C10orf90: variants seen among roughly 807,000 people sequenced by gnomAD.
C10orf90 encodes (E2-independent) E3 ubiquitin-conjugating enzyme FATS.
In C10orf90, 56 loss-of-function variants were observed where a neutral mutation model predicts 62.5. The ratio of observed to expected loss-of-function variants is 0.90; its 90% CI spans 0.72 to 1.12. The LOEUF (loss-of-function observed/expected upper bound fraction) is 1.12. Among genes scored for constraint, C10orf90 ranks in the 50% most tolerant of loss-of-function variants. C10orf90 has a pLI of 0.00. For missense variants in C10orf90, 970 were observed against 880.4 expected (o/e 1.10, Z -1.29); for synonymous variants, 386 against 340.4 (o/e 1.13, Z -1.47).
intron 4 of C10orf90, among the ~76,000 whole-genome samples, chr10:126,497,752 C>A (rs1414550054): frequency 1.3e-5 from 2 of 152,208 alleles, no homozygotes; most frequent in African/African-American, 4.8e-5. Flanking sequence ...TCTGTCCCAA[C>A]TACTCAACTT....
intron 4 of C10orf90, among the ~76,000 whole-genome samples, chr10:126,470,577 A>AAAACAAACAAAC (rs10637715): frequency 0.032 from 4,871 of 149,992 alleles, 230 homozygotes; most frequent in African/African-American, 0.1. Context: ...TAAAAACTAA[A>AAAACAAACAAAC]AAACAAACAA....
Position 126,504,229 on chromosome 10 carries a change from A to G in C10orf90, c.1262T>C (p.Leu421Pro). 1 of 1,614,148 alleles carries G rather than the reference A, an allele frequency of 6.2e-7. No homozygotes were observed. The highest frequency in any genetic ancestry group is 8.5e-7 in the Non-Finnish European group (1 of 1,180,030). Residue 421 changes from leucine (L) to proline (P), a missense_variant, in exon 4 of 10, where the codon CTG becomes CCG. By Grantham distance (98) the Leu-to-Pro change is moderately conservative. Coordinates refer to ENST00000488181, the MANE Select transcript of C10orf90 (RefSeq NM_001350921.2). This position sits in a 1 kb window ranked among gnomAD's most constrained non-coding sequence, Gnocchi z 4.1. The stretch of plus-strand genomic sequence containing the variant: ...GCCTACGAGGTCCTGGTCTCCCTCC[A>G]GGAGCTCCTGCTTCAGGGCTTCGCT... ...PISEALKQEL[L>P]EGDQDLVGQR...
At chr10:126,639,585 C>T (rs1429305582) in intron 2 of C10orf90, among the ~76,000 whole-genome samples, 1 of 152,160 alleles carries the variant, frequency 6.6e-6, no homozygotes, top group African/African-American at 2.4e-5. Context: ...CCTGGACTGT[C>T]CCCCACATGT....
At chr10:126,525,105 T>C (rs1863896366) in intron 2 of C10orf90, among the ~76,000 whole-genome samples, 1 of 152,094 alleles carries the variant, frequency 6.6e-6, no homozygotes, top group African/African-American at 2.4e-5. Context: ...TGCAACAGGG[T>C]CCCAATTACC....
rs1462572740 is a variant in C10orf90, at chr10:126,663,674, C to A, written c.240+6567G>T. On this transcript the variant is annotated intron_variant, in intron 1 of 9. Transcript: ENST00000488181. Reference sequence around the variant, plus strand: ...CCCTTCTACACACCAGTTTTCTTAACATGGACAATTCAGCTGGCTTTTTTG... The same window carrying A: ...CCCTTCTACACACCAGTTTTCTTAAAATGGACAATTCAGCTGGCTTTTTTG... Among the ~76,000 whole-genome samples the A allele has an allele frequency of 4.6e-5, 7 of 152,212 alleles. No individual in the cohort carries two copies. The East Asian group carries it at 7.7e-4, about 17-fold the overall frequency.
chr10:126,492,457 A>G (rs914514031), intron 4 of C10orf90, among the ~76,000 whole-genome samples: 3 of 152,252 alleles, frequency 2.0e-5, no homozygotes, highest in African/African-American at 4.8e-5. Context: ...GGATGTATGC[A>G]TGGGAATGCT....
intron 7 of C10orf90, among the ~76,000 whole-genome samples, chr10:126,437,013 C>T (rs1035420134): frequency 2.0e-5 from 3 of 152,202 alleles, no homozygotes; most frequent in African/African-American, 7.2e-5. Context: ...AATGGCAATG[C>T]CAACGACCAC....
At chr10:126,532,964 G>T (rs193073289) in intron 2 of C10orf90, among the ~76,000 whole-genome samples, 1 of 149,282 alleles carries the variant, frequency 6.7e-6, no homozygotes, top group Non-Finnish European at 1.5e-5. Flanking sequence ...ACGGAGTCTC[G>T]CTCTGTCGCC....
intron 2 of C10orf90, among the ~76,000 whole-genome samples, chr10:126,572,795 T>C (rs1344658810): frequency 6.6e-6 from 1 of 152,118 alleles, no homozygotes; most frequent in East Asian, 1.9e-4. Context: ...GGAGTTGCTA[T>C]GGTTCACATG....
chr10:126,624,247 A>C (rs2842156), intron 2 of C10orf90, among the ~76,000 whole-genome samples: 1 of 151,688 alleles, frequency 6.6e-6, no homozygotes, highest in Non-Finnish European at 1.5e-5. Context: ...TGGGGAGGCC[A>C]AGGCAGGAGA....
chr10:126,512,364 A>C (rs61865860), intron 3 of C10orf90, among the ~76,000 whole-genome samples: 6 of 26,048 alleles, frequency 2.3e-4, no homozygotes, highest in South Asian at 2.9e-3. Flanking sequence ...GTGTGTGTGT[A>C]TGTGTGTCTG....
chr10:126,605,015 T>C (rs1185582658), intron 2 of C10orf90, among the ~76,000 whole-genome samples: 4 of 152,170 alleles, frequency 2.6e-5, no homozygotes, highest in Admixed American at 2.0e-4. Context: ...AGAAGATACA[T>C]GGTAATGAAA....
chr10:126,552,814 T>C (rs1864666540), intron 2 of C10orf90, among the ~76,000 whole-genome samples: 1 of 152,262 alleles, frequency 6.6e-6, no homozygotes, highest in African/African-American at 2.4e-5. Context: ...TTTTCTCATA[T>C]GTATATTAGG....
rs1167137871 is a variant in C10orf90, at chr10:126,585,458, A to AG, written c.313+61106dup. ...ATGGAAAGAAGGAAAGGAGGGAAGA[A>AG]GGAAGGAAAGGAAGAGAGGGGGAAG... is the stretch of plus-strand genomic sequence containing the variant. On this transcript the variant is annotated intron_variant, in intron 2 of 9. Coordinates refer to ENST00000488181, the MANE Select transcript of C10orf90 (RefSeq NM_001350921.2). 8.6e-5 allele frequency among the ~76,000 whole-genome samples: 13 copies of AG among 151,184 alleles called. No individual in the cohort carries two copies. The East Asian group carries it at 1.4e-3, about 16-fold the overall frequency.
intron 2 of C10orf90, among the ~76,000 whole-genome samples, chr10:126,587,312 G>A (rs759490651): frequency 2.6e-5 from 4 of 152,300 alleles, no homozygotes; most frequent in Non-Finnish European, 4.4e-5. Context: ...CTGCCATAAC[G>A]AAACACCACA....
intron 4 of C10orf90, among the ~76,000 whole-genome samples, chr10:126,485,594 G>C (rs1861385766): frequency 6.6e-6 from 1 of 152,042 alleles, no homozygotes; most frequent in South Asian, 2.1e-4. Flanking sequence ...TTTATTTCCT[G>C]CCATTTGGTA....
In C10orf90 at chr10:126,487,981, C is replaced by T. The variant is rs184517918; in HGVS notation, c.1534+15976G>A. 1.2e-4 allele frequency among the ~76,000 whole-genome samples: 18 copies of T among 152,054 alleles called. No homozygotes were observed. In the East Asian group the frequency reaches 1.4e-3, roughly 11 times the overall value. On this transcript the variant is annotated intron_variant, in intron 4 of 9. Transcript: ENST00000488181. ...TTAAATTTTGGCCTTGATGAGTTCACGTTACAATTTTTAGCTGGTCACTAA... is the reference window on the plus strand; with the variant it reads ...TTAAATTTTGGCCTTGATGAGTTCATGTTACAATTTTTAGCTGGTCACTAA...
chr10:126,641,548 C>G (rs1221731736), intron 2 of C10orf90, among the ~76,000 whole-genome samples: 1 of 152,028 alleles, frequency 6.6e-6, no homozygotes, highest in Non-Finnish European at 1.5e-5. Context: ...TCATTTCCCT[C>G]TCTATTTACA....
chr10:126,526,099 A>G (rs180928718), intron 2 of C10orf90, among the ~76,000 whole-genome samples: 1 of 151,590 alleles, frequency 6.6e-6, no homozygotes, highest in Non-Finnish European at 1.5e-5. Context: ...GGCTCTCCAG[A>G]GAGGCCCCAG....
Sources: allele counts gnomAD v4.1 joint callset (sites outside exome capture counted in the v4.1 genomes callset), GRCh38; gene constraint gnomAD v4.1.1; non-coding constraint Gnocchi (gnomAD v3.1); transcripts MANE v1.5; gene names NCBI Gene and HGNC (gene_info 2026-07-23, HGNC 2026-07-21).